DPP6: variants seen among roughly 807,000 people sequenced by gnomAD.
DPP6 encodes dipeptidyl peptidase like 6, also known as A-type potassium channel modulatory protein DPP6.
DPP6 carries 69 observed loss-of-function variants against 122.6 expected under a neutral mutation model. The observed-to-expected ratio is 0.56, with a 90% CI of 0.46 to 0.69. The LOEUF is 0.69. Ranked by LOEUF, DPP6 falls within the 30% of genes least tolerant of loss-of-function variation. DPP6 has a pLI of 0.00. For missense variants in DPP6, 928 were observed against 1,116.9 expected (o/e 0.83, Z 2.41); for synonymous variants, 418 against 433.1 (o/e 0.97, Z 0.43).
intron 7 of DPP6, among the ~76,000 whole-genome samples, chr7:154,674,522 A>C (rs1838766338): frequency 6.6e-6 from 1 of 152,178 alleles, no homozygotes; most frequent in Admixed American, 6.5e-5. Flanking sequence ...TTTCCCAAGA[A>C]AGACTGTGCA....
the DPP6 span, among the ~76,000 whole-genome samples, chr7:153,853,901 T>C: frequency 8.6e-5 from 13 of 150,794 alleles, no homozygotes; most frequent in Non-Finnish European, 1.5e-4. Context: ...TTTGGTGTTT[T>C]GGACATGAAG....
At position 154,295,703 on chromosome 7, in the gene DPP6, T is replaced by A. The variant is rs28501399; in HGVS notation, c.244-150511T>A. Among the ~76,000 whole-genome samples, 882 of 152,258 alleles carry A rather than the reference T, an allele frequency of 5.8e-3. 8 individuals carry two copies. The highest frequency in any genetic ancestry group is 0.019 in the African/African-American group (807 of 41,546). On this transcript the variant is annotated intron_variant, in intron 1 of 25. Coordinates refer to ENST00000377770, the MANE Select transcript of DPP6 (RefSeq NM_130797.4). ...TACCCTCAGTGCACATGATATTATG[T>A]TTGATGGGTAGCTTTTGGTTTGTAT... is the stretch of plus-strand genomic sequence containing the variant.
At chr7:153,826,378 G>A in the DPP6 span, among the ~76,000 whole-genome samples, 7 of 152,164 alleles carry the variant, frequency 4.6e-5, no homozygotes, top group Admixed American at 2.6e-4. Context: ...TCTAGATATA[G>A]AAAACTAGGC....
chr7:154,250,079 G>C (rs562050179), intron 1 of DPP6, among the ~76,000 whole-genome samples: 10 of 151,904 alleles, frequency 6.6e-5, no homozygotes, highest in African/African-American at 1.9e-4. Flanking sequence ...TCTAATTACC[G>C]GTGCATGCAG....
chr7:153,917,848 T>A (rs1800394595), intron 1 of DPP6, among the ~76,000 whole-genome samples: 2 of 152,214 alleles, frequency 1.3e-5, no homozygotes, highest in African/African-American at 4.8e-5. Context: ...TATCTTTCCA[T>A]TCATGGGAAA....
At chr7:154,714,752 G>A (rs914344931) in intron 7 of DPP6, among the ~76,000 whole-genome samples, 1 of 152,266 alleles carries the variant, frequency 6.6e-6, no homozygotes, top group South Asian at 2.1e-4. Flanking sequence ...AACCTTCACA[G>A]AATTTACTAT....
At chr7:154,611,892 A>G (rs1833934150) in intron 5 of DPP6, among the ~76,000 whole-genome samples, 1 of 151,844 alleles carries the variant, frequency 6.6e-6, no homozygotes, top group Admixed American at 6.6e-5. Context: ...GTATGGGTGT[A>G]TTTAGTTCTG....
chr7:154,363,167 A>G (rs1312621278), intron 1 of DPP6, among the ~76,000 whole-genome samples: 2 of 152,234 alleles, frequency 1.3e-5, no homozygotes, highest in Non-Finnish European at 2.9e-5. Context: ...ATAAGGCCAC[A>G]GAAGCCAGCC....
At chr7:154,883,939 T>G (rs547263841) in intron 21 of DPP6, 1 of 109,076 alleles carries the variant, frequency 9.2e-6, no homozygotes, top group East Asian at 3.3e-4. Context: ...TACACACGAG[T>G]ACATACACGC....
At chr7:154,075,154 A>T (rs1218653000) in intron 1 of DPP6, among the ~76,000 whole-genome samples, 1 of 152,056 alleles carries the variant, frequency 6.6e-6, no homozygotes, top group Non-Finnish European at 1.5e-5. Context: ...TCAAAAAATA[A>T]TAGATGTTGG....
intron 9 of DPP6, among the ~76,000 whole-genome samples, chr7:154,770,559 C>T (rs1039827812): frequency 6.6e-6 from 1 of 152,168 alleles, no homozygotes; most frequent in Non-Finnish European, 1.5e-5. Context: ...ATTGGGCCCT[C>T]GCCAGATACT....
intron 1 of DPP6, among the ~76,000 whole-genome samples, chr7:154,435,566 A>C (rs1215987423): frequency 1.3e-5 from 2 of 152,242 alleles, no homozygotes; most frequent in Non-Finnish European, 1.5e-5. Flanking sequence ...TGAGCCAGTG[A>C]AACAGAGACG....
chr7:154,076,636 C>T (rs1046859282), intron 1 of DPP6, among the ~76,000 whole-genome samples: 222 of 150,052 alleles, frequency 1.5e-3, no homozygotes, highest in Admixed American at 3.0e-3. Context: ...ATACAGGATG[C>T]GTACCAAGGT....
chr7:154,614,066 C>T (rs1318101558), intron 5 of DPP6, among the ~76,000 whole-genome samples: 3 of 152,252 alleles, frequency 2.0e-5, no homozygotes, highest in Admixed American at 6.5e-5. Flanking sequence ...CCTCCACTCT[C>T]CACCCCACCT....
the DPP6 span, among the ~76,000 whole-genome samples, chr7:153,758,342 C>A: frequency 6.6e-6 from 1 of 152,200 alleles, no homozygotes; most frequent in Non-Finnish European, 1.5e-5. Context: ...ACACTGGATA[C>A]CATGTTTAAT....
chr7:154,484,661 T>C (rs1278787738), intron 3 of DPP6, among the ~76,000 whole-genome samples: 1 of 152,244 alleles, frequency 6.6e-6, no homozygotes, highest in Non-Finnish European at 1.5e-5. Flanking sequence ...AATATGGTGA[T>C]AGACCATGTG....
intron 1 of DPP6, among the ~76,000 whole-genome samples, chr7:154,262,168 G>A (rs932473699): frequency 1.1e-4 from 16 of 152,190 alleles, no homozygotes; most frequent in Non-Finnish European, 8.8e-5. Context: ...CCCTTCCCCA[G>A]AACTGAGTAG....
intron 1 of DPP6, among the ~76,000 whole-genome samples, chr7:154,127,190 G>A (rs1807952696): frequency 6.6e-6 from 1 of 152,142 alleles, no homozygotes; most frequent in African/African-American, 2.4e-5. Flanking sequence ...TTGATACTAA[G>A]TTACGTCATT....
chr7:154,458,726 CT>C (rs1821020189), intron 2 of DPP6, among the ~76,000 whole-genome samples: 1 of 152,188 alleles, frequency 6.6e-6, no homozygotes, highest in Admixed American at 6.5e-5. Flanking sequence ...AAAGAATGCA[CT>C]TGTGGAGAGA....
Sources: gnomAD v4.1 joint callset for allele counts (sites outside exome capture counted in the v4.1 genomes callset) on GRCh38, gnomAD v4.1.1 for gene constraint, MANE v1.5 for transcripts, NCBI Gene and HGNC (gene_info 2026-07-23, HGNC 2026-07-21) for gene names.